The following GRIK3 variants were observed in gnomAD, a reference collection of about 807,000 sequenced individuals.
GRIK3 encodes the protein glutamate ionotropic receptor kainate type subunit 3, also known as glutamate receptor ionotropic, kainate 3.
Under a neutral mutation model 102.5 loss-of-function variants are expected in GRIK3, and 29 were observed. The observed-to-expected ratio is 0.28, with a 90% CI of 0.21 to 0.39. The LOEUF is 0.39. GRIK3 is among the 10% of genes least tolerant of loss of function. The pLI is 1.00. For missense variants in GRIK3, 908 were observed against 1,252.4 expected (o/e 0.73, Z 4.15); for synonymous variants, 511 against 504.9 (o/e 1.01, Z -0.16).
intron 1 of GRIK3, among the ~76,000 whole-genome samples, chr1:37,019,483 C>T (rs1001129266): frequency 6.6e-6 from 1 of 152,178 alleles, no homozygotes; most frequent in Admixed American, 6.5e-5. Flanking sequence ...GTGCAAGACT[C>T]TGGTCTAAAC....
At chr1:36,957,387 C>CCCCG (rs1641924598) in intron 1 of GRIK3, among the ~76,000 whole-genome samples, 1 of 146,770 alleles carries the variant, frequency 6.8e-6, no homozygotes, top group Non-Finnish European at 1.5e-5. Context: ...AGCCTGTGTG[C>CCCCG]TCTGTGAATC....
At chr1:36,811,885 T>C (rs1225402030) in intron 13 of GRIK3, among the ~76,000 whole-genome samples, 2 of 152,142 alleles carry the variant, frequency 1.3e-5, no homozygotes, top group Non-Finnish European at 2.9e-5. Flanking sequence ...GGGGAGCAAA[T>C]GGAAGCCCGG....
chr1:36,857,261 C>T (rs1369349102), intron 7 of GRIK3, among the ~76,000 whole-genome samples: 1 of 152,142 alleles, frequency 6.6e-6, no homozygotes, highest in Non-Finnish European at 1.5e-5. Context: ...AGTGGCCTCA[C>T]ACAGTGGCTG....
At chr1:36,957,982 A>G (rs113917413) in intron 1 of GRIK3, among the ~76,000 whole-genome samples, 3 of 61,808 alleles carry the variant, frequency 4.9e-5, no homozygotes, top group African/African-American at 8.5e-5. Flanking sequence ...TGTGTGCCCC[A>G]TGACTCTGTG....
Position 36,806,226 on chromosome 1 carries a change from G to C in GRIK3, c.2192C>G (p.Thr731Arg), listed in dbSNP as rs572107668. ...CTCCATGAGCAGCGCGTAGTCGGCC[G>C]TCAGGGCCCTCTGGATGCCCTCCTC... is the stretch of plus-strand genomic sequence containing the variant. Reference protein sequence around the residue: ...NNEEGIQRALTADYALLMEST... With the variant: ...NNEEGIQRALRADYALLMEST... Residue 731 changes from threonine (T) to arginine (R), a missense_variant, in exon 14 of 16, where the codon ACG becomes AGG. Physicochemically the swap from Thr to Arg is moderately conservative, Grantham distance 71. Around this residue, in one of 3 missense-constraint regions of GRIK3, gnomAD observed 297 missense variants for 362.7 expected, o/e 0.82. Coordinates refer to ENST00000373091, the MANE Select transcript of GRIK3 (RefSeq NM_000831.4). This position sits in a 1 kb window ranked among gnomAD's most constrained non-coding sequence, Gnocchi z 4.0. 4 of 1,613,962 alleles carry C rather than the reference G, an allele frequency of 2.5e-6. No individual in the cohort carries two copies. Among genetic ancestry groups the C allele is most frequent in the Non-Finnish European group, 3.4e-6 (4 of 1,179,780 alleles).
intron 1 of GRIK3, among the ~76,000 whole-genome samples, chr1:36,948,001 C>G (rs1053269554): frequency 1.5e-4 from 23 of 152,332 alleles, no homozygotes; most frequent in East Asian, 5.8e-4. Flanking sequence ...CTCCTCCAAG[C>G]AGCCTCACTC....
chr1:36,995,294 C>T (rs922424675), intron 1 of GRIK3, among the ~76,000 whole-genome samples: 6 of 152,116 alleles, frequency 3.9e-5, no homozygotes, highest in African/African-American at 9.7e-5. Context: ...ATGGTCAGTC[C>T]ACCACATCTG....
intron 1 of GRIK3, among the ~76,000 whole-genome samples, chr1:36,964,855 G>C (rs763568989): frequency 7.9e-5 from 12 of 152,208 alleles, no homozygotes; most frequent in Admixed American, 1.3e-4. Flanking sequence ...GTGGGGGAGA[G>C]AGCACATAGG....
chr1:36,998,413 C>A (rs76992498), intron 1 of GRIK3, among the ~76,000 whole-genome samples: 1,561 of 152,326 alleles, frequency 0.01, 12 homozygotes, highest in Admixed American at 0.019. Context: ...AGACTGTGGA[C>A]TCCACAAGAG....
intron 13 of GRIK3, among the ~76,000 whole-genome samples, chr1:36,810,579 A>G (rs997846223): frequency 6.6e-6 from 1 of 152,074 alleles, no homozygotes; most frequent in East Asian, 1.9e-4. Flanking sequence ...ATGTAAGTCT[A>G]TATATATATA....
rs977453234 is a variant in GRIK3 at position 36,805,144 on chromosome 1, C to A, written c.2408G>T (p.Ser803Ile). 5.6e-6 allele frequency: 9 copies of A among 1,614,108 alleles called. No individual in the cohort carries two copies. Among genetic ancestry groups the A allele is most frequent in the Non-Finnish European group, 7.6e-6 (9 of 1,180,046 alleles). Residue 803 changes from serine to isoleucine, a missense_variant, in exon 15 of 16, where the codon AGC (serine) becomes ATC (isoleucine). Physicochemically the swap from Ser to Ile is moderately radical, Grantham distance 142. This residue lies in a region of GRIK3 where 297 missense variants were observed against 362.7 expected (regional missense o/e 0.82). Transcript: ENST00000373091. ...TTTGTTTTCCTCCTCAGGACACCCG[C>A]TGCCCCGCCACCACTTCTCCTTCAT... ...HIMKEKWWRG[S>I]GCPEEENKEA...
chr1:36,909,448 G>T (rs1048723326), intron 1 of GRIK3, among the ~76,000 whole-genome samples: 1 of 152,044 alleles, frequency 6.6e-6, no homozygotes, highest in African/African-American at 2.4e-5. Context: ...ACAGGTGCAC[G>T]CCACCATGCC....
chr1:36,836,746 C>T (rs517969), intron 10 of GRIK3, among the ~76,000 whole-genome samples: 26,641 of 152,138 alleles, frequency 0.18, 2,721 homozygotes, highest in African/African-American at 0.28. Context: ...GAAAAGAATC[C>T]ATTTCCCGTG....
chr1:36,822,808 C>T (rs1642710317), intron 11 of GRIK3, among the ~76,000 whole-genome samples: 2 of 152,198 alleles, frequency 1.3e-5, no homozygotes, highest in African/African-American at 4.8e-5. Flanking sequence ...AGGATCATCC[C>T]CTGTCACGAG....
At position 36,872,544 on chromosome 1, in the gene GRIK3, G is replaced by T. The variant is rs955429390; in HGVS notation, c.551-175C>A. On this transcript the variant is annotated intron_variant, in intron 3 of 15. Transcript: ENST00000373091. The surrounding 1 kb of genome is among the most constrained non-coding windows in gnomAD (Gnocchi z 5.9). ...CGTGCATGGACAACACTGGAGAGCA[G>T]GTGTGTGTGCACATACAAACACATG... Among the ~76,000 whole-genome samples, 13 of 152,186 alleles carry T rather than the reference G, an allele frequency of 8.5e-5. 1 individual carries two copies. Among genetic ancestry groups the T allele is most frequent in the Non-Finnish European group, 1.5e-5 (1 of 68,026 alleles).
At chr1:37,007,628 G>T (rs979890827) in intron 1 of GRIK3, among the ~76,000 whole-genome samples, 1 of 152,216 alleles carries the variant, frequency 6.6e-6, no homozygotes, top group Non-Finnish European at 1.5e-5. Flanking sequence ...AAACGCTCCC[G>T]CACTATGTGC....
chr1:36,948,692 C>T (rs993700168), intron 1 of GRIK3, among the ~76,000 whole-genome samples: 1 of 152,198 alleles, frequency 6.6e-6, no homozygotes, highest in Non-Finnish European at 1.5e-5. Context: ...CGGCTCCTCA[C>T]CAGCAAGGCC....
chr1:36,903,112 T>C (rs947562241), intron 1 of GRIK3, among the ~76,000 whole-genome samples: 2 of 152,166 alleles, frequency 1.3e-5, no homozygotes, highest in African/African-American at 4.8e-5. Context: ...ATCCAACATA[T>C]GCAAACCACT....
At position 37,022,777 on chromosome 1, in the gene GRIK3, C is replaced by T. The variant is rs534319918; in HGVS notation, c.115+11217G>A. ...TTCACCATTGCATTCATTTATTCAA[C>T]AAATATTTATTAATTATCTACTAGG... On this transcript the variant is annotated intron_variant, in intron 1 of 15. Transcript: ENST00000373091. 3.3e-5 allele frequency among the ~76,000 whole-genome samples: 5 copies of T among 152,204 alleles called. No individual in the cohort carries two copies. In the South Asian group the frequency reaches 6.2e-4, roughly 19 times the overall value.
Sources: gnomAD v4.1 joint callset for allele counts (sites outside exome capture counted in the v4.1 genomes callset) on GRCh38, gnomAD v4.1.1 for gene constraint, gnomAD v4.1.1 regional missense constraint, Gnocchi (gnomAD v3.1) non-coding constraint, MANE v1.5 for transcripts, NCBI Gene and HGNC (gene_info 2026-07-23, HGNC 2026-07-21) for gene names.